EML1: variants seen among roughly 807,000 people sequenced by gnomAD.
EML1 encodes the protein echinoderm microtubule-associated protein-like 1.
Under a neutral mutation model 110.4 loss-of-function variants are expected in EML1, and 27 were observed. The observed-to-expected ratio is 0.24, with a 90% confidence interval of 0.18 to 0.34. The LOEUF is 0.34. Ranked by LOEUF, EML1 falls within the 10% of genes least tolerant of loss-of-function variation. EML1 has a pLI of 1.00. For missense variants in EML1, 741 were observed against 1,030.9 expected, an observed-to-expected ratio of 0.72 and a Z score of 3.85; for synonymous variants, 344 against 385.8, an observed-to-expected ratio of 0.89 and a Z score of 1.27.
At chr14:99,864,893 C>G (rs1192006369) in intron 2 of EML1, among the ~76,000 whole-genome samples, 1 of 151,228 alleles carries the variant, frequency 6.6e-6, no homozygotes, top group Non-Finnish European at 1.5e-5. Flanking sequence ...TTTCAAAATT[C>G]ATGTCCTTTT....
intron 20 of EML1, among the ~76,000 whole-genome samples, chr14:99,938,308 C>G (rs1171148232): frequency 6.6e-6 from 1 of 152,176 alleles, no homozygotes; most frequent in African/African-American, 2.4e-5. Flanking sequence ...TCAACATTCA[C>G]TTTAGGAATA....
chr14:99,806,101 TG>T (rs907675751), intron 1 of EML1, among the ~76,000 whole-genome samples: 6 of 152,222 alleles, frequency 3.9e-5, no homozygotes, highest in African/African-American at 1.4e-4. Flanking sequence ...AGTTTCAGAA[TG>T]TTTTTTTGAA....
At chr14:99,760,921 C>T (rs1595248568) in intron 1 of EML1, among the ~76,000 whole-genome samples, 1 of 152,200 alleles carries the variant, frequency 6.6e-6, no homozygotes, top group East Asian at 1.9e-4. Flanking sequence ...TACCCATGGA[C>T]CACAGAGACA....
At chr14:99,824,523 C>T (rs954799983) in intron 1 of EML1, among the ~76,000 whole-genome samples, 2 of 151,324 alleles carry the variant, frequency 1.3e-5, no homozygotes, top group Non-Finnish European at 2.9e-5. Context: ...TGTGTACACA[C>T]ATATATATGT....
At chr14:99,913,997 G>GTATC (rs3842314) in intron 13 of EML1, among the ~76,000 whole-genome samples, 182 bp from the exon 14 acceptor site, 83,294 of 151,350 alleles carry the variant, frequency 0.55, 23,350 homozygotes, top group African/African-American at 0.67. Flanking sequence ...GCCAGCTGTG[G>GTATC]TATCTATGTG....
chr14:99,800,501 A>G (rs959021123), intron 1 of EML1, among the ~76,000 whole-genome samples: 4 of 152,134 alleles, frequency 2.6e-5, no homozygotes, highest in Non-Finnish European at 4.4e-5. Context: ...AGCTGGGACT[A>G]TAGGCATGCG....
chr14:99,752,095 C>T (rs1017020886), intron 1 of EML1, among the ~76,000 whole-genome samples: 4 of 152,272 alleles, frequency 2.6e-5, no homozygotes, highest in East Asian at 3.9e-4. Flanking sequence ...CACCGTTAAT[C>T]GCCCCACCGC....
chr14:99,911,023 C>T lies in EML1; in HGVS notation c.1340-399C>T, dbSNP rs78183327. Among the ~76,000 whole-genome samples the T allele has an allele frequency of 1.8e-3, 277 of 152,256 alleles. 1 individual carries two copies. The highest frequency in any genetic ancestry group is 5.9e-3 in the African/African-American group (247 of 41,520). ...CCCTGCTGCTCTTGGCTCTAGGTGT[C>T]TTATTCACTGCTCACTTAATCCTTA... On this transcript the variant is annotated intron_variant, in intron 12 of 21. Coordinates refer to ENST00000262233, the MANE Select transcript of EML1 (RefSeq NM_004434.3).
intron 19 of EML1, among the ~76,000 whole-genome samples, chr14:99,937,106 G>T (rs995907319): frequency 1.3e-5 from 2 of 152,248 alleles, no homozygotes; most frequent in African/African-American, 4.8e-5. Context: ...GCCCACGGGG[G>T]TGGGCGGGTC....
intron 20 of EML1, among the ~76,000 whole-genome samples, chr14:99,938,253 A>G (rs1465319967): frequency 6.6e-6 from 1 of 152,228 alleles, no homozygotes; most frequent in Non-Finnish European, 1.5e-5. Context: ...TGTGAGGGTT[A>G]TTATTTATAT....
rs112721977 is a variant in EML1 at position 99,800,983 on chromosome 14, CAGAG to C, written c.67+7441_67+7444del. On this transcript the variant is annotated intron_variant, in intron 1 of 21. Coordinates refer to ENST00000262233, the MANE Select transcript of EML1 (RefSeq NM_004434.3). Reference sequence around the variant, plus strand: ...TTCCCACCTGCCGAGGCCCTGCTGTCAGAGGGAGGGGAAGCAGAGGTGACTGGCC... The same window carrying C: ...TTCCCACCTGCCGAGGCCCTGCTGTCGGAGGGGAAGCAGAGGTGACTGGCC... 3.0e-3 allele frequency among the ~76,000 whole-genome samples: 463 copies of C among 152,328 alleles called. 2 individuals carry two copies. Among genetic ancestry groups the C allele is most frequent in the African/African-American group, 0.011 (448 of 41,580 alleles).
chr14:99,824,525 T>C (rs2058319891), intron 1 of EML1, among the ~76,000 whole-genome samples: 1 of 151,384 alleles, frequency 6.6e-6, no homozygotes, highest in Non-Finnish European at 1.5e-5. Flanking sequence ...TGTACACACA[T>C]ATATATGTCA....
intron 1 of EML1, among the ~76,000 whole-genome samples, chr14:99,842,865 G>A (rs1009526049): frequency 6.6e-6 from 1 of 152,114 alleles, no homozygotes; most frequent in South Asian, 2.1e-4. Flanking sequence ...TGTGCTGGCA[G>A]CCACAATAAA....
At chr14:99,753,210 C>A in intron 1 of EML1, among the ~76,000 whole-genome samples, 1 of 136,504 alleles carries the variant, frequency 7.3e-6, no homozygotes, top group African/African-American at 2.7e-5. Context: ...CCCCGCCGCC[C>A]CCCCACCCCC....
chr14:99,838,213 G>A (rs375849015), intron 1 of EML1, among the ~76,000 whole-genome samples: 31 of 152,122 alleles, frequency 2.0e-4, no homozygotes, highest in African/African-American at 7.2e-4. Flanking sequence ...CTAAATTTTT[G>A]GATGATGTAA....
chr14:99,843,936 T>G (rs944185265), intron 1 of EML1, among the ~76,000 whole-genome samples: 1 of 152,220 alleles, frequency 6.6e-6, no homozygotes, highest in Non-Finnish European at 1.5e-5. Flanking sequence ...AAATACCTTC[T>G]TATCTTCCCC....
At chr14:99,812,807 C>T (rs1241137905) in intron 1 of EML1, among the ~76,000 whole-genome samples, 7 of 152,172 alleles carry the variant, frequency 4.6e-5, no homozygotes, top group African/African-American at 1.4e-4. Context: ...CTGCCAACAG[C>T]TTTGGTGCAA....
intron 6 of EML1, 40 bp from the exon 7 acceptor site, chr14:99,897,105 T>C (rs201705960): frequency 1.4e-6 from 2 of 1,480,426 alleles, no homozygotes; most frequent in African/African-American, 1.4e-5. Context: ...TTTTGTCAGC[T>C]CTTAAAGGGA....
intron 5 of EML1, among the ~76,000 whole-genome samples, chr14:99,891,477 A>T (rs1159407416): frequency 1.3e-4 from 20 of 152,216 alleles, no homozygotes; most frequent in Admixed American, 1.3e-3. Context: ...ACATGCCAGT[A>T]AGGAGGAGAG....
Sources: allele counts gnomAD v4.1 joint callset (sites outside exome capture counted in the v4.1 genomes callset), GRCh38; gene constraint gnomAD v4.1.1; transcripts MANE v1.5; gene names NCBI Gene and HGNC (gene_info 2026-07-23, HGNC 2026-07-21).